SCN7A: variants seen among roughly 807,000 people sequenced by gnomAD.
The protein encoded by SCN7A is sodium voltage-gated channel alpha subunit 7.
A neutral mutation model predicts 155.2 loss-of-function variants in SCN7A; 138 were observed. The observed-to-expected ratio is 0.89, with a 90% CI of 0.77 to 1.02. The LOEUF (loss-of-function observed/expected upper bound fraction) is 1.02, where lower values mean the gene tolerates loss of function less well. SCN7A is among the 50% of genes least tolerant of loss of function. SCN7A has a pLI of 0.00. For synonymous variants in SCN7A, 693 were observed against 649.0 expected (o/e 1.07, Z -1.03); for missense variants, 2,058 against 1,986.6 (o/e 1.04, Z -0.68).
At chr2:166,431,983 T>G (rs993078872) in intron 16 of SCN7A, among the ~76,000 whole-genome samples, 1 of 151,996 alleles carries the variant, frequency 6.6e-6, no homozygotes, top group South Asian at 2.1e-4. Flanking sequence ...ACCCTCAAAC[T>G]GCCTGGTTAT....
Position 166,429,036 on chromosome 2 carries a change from T to C in SCN7A, c.2698+133A>G, listed in dbSNP as rs1701679007. ...AAACAAGTTGTAATGGTGACACTTG[T>C]ACATTTAACATGAATATTAAGAAAT... On this transcript the variant is annotated intron_variant, in intron 17 of 25. Coordinates refer to ENST00000643258, the MANE Select transcript of SCN7A (RefSeq NM_002976.4). The C allele has an allele frequency of 8.8e-6, 5 of 570,424 alleles. No homozygotes were observed. In the Admixed American group the frequency reaches 1.4e-4, roughly 17 times the overall value. The allele number at this position is 570,424 out of a possible 1,614,324, so 35.3% of individuals were successfully genotyped here.
In SCN7A at chr2:166,406,072, A is replaced by G. The variant is rs1451532417; in HGVS notation, c.4557T>C (p.Phe1519=). 6.2e-7 allele frequency: 1 copy of G among 1,612,714 alleles called. No homozygotes were observed. ...TLSEDDFRKF[F]QVWKRFDPDR... ...CAGGATCAAACCTTTTCCATACCTGAAAGAATTTCCTAAAATCATCTTCAC... is the reference window on the plus strand; with the variant it reads ...CAGGATCAAACCTTTTCCATACCTGGAAGAATTTCCTAAAATCATCTTCAC... The change falls in exon 26 of 26, where the codon TTT becomes TTC. Residue 1519 remains phenylalanine (F), a synonymous_variant. Coordinates refer to ENST00000643258, the MANE Select transcript of SCN7A (RefSeq NM_002976.4).
intron 7 of SCN7A, among the ~76,000 whole-genome samples, chr2:166,467,819 C>T (rs1056539736): frequency 2.0e-5 from 3 of 151,640 alleles, no homozygotes; most frequent in Non-Finnish European, 4.4e-5. Flanking sequence ...ATATTAAAGT[C>T]TCTGCCTTGA....
At chr2:166,413,800 T>A (rs1379700217) in intron 21 of SCN7A, among the ~76,000 whole-genome samples, 7 of 149,978 alleles carry the variant, frequency 4.7e-5, no homozygotes, top group African/African-American at 1.7e-4. Context: ...CAGCCTATAT[T>A]TTTCTCCTGT....
chr2:166,479,683 C>CA (rs377033204), intron 2 of SCN7A, among the ~76,000 whole-genome samples: 17 of 151,062 alleles, frequency 1.1e-4, no homozygotes, highest in African/African-American at 3.9e-4. Flanking sequence ...ACATATGTCT[C>CA]AAAAAAAAGG....
chr2:166,428,981 A>G (rs971155393), intron 17 of SCN7A, among the ~76,000 whole-genome samples, 188 bp downstream of exon 17: 6 of 152,104 alleles, frequency 3.9e-5, no homozygotes, highest in Non-Finnish European at 8.8e-5. Flanking sequence ...TAAGTTACTC[A>G]TATAAAAATG....
chr2:166,406,252 C>T lies in SCN7A; in HGVS notation c.4377G>A (p.Gly1459=), dbSNP rs373881839. ...TCCCACAATCTCCTCTAACTTGAGT[C>T]CCAGGGTTAATTTTATCAGGATCAC... ...SDCDPDKINP[G]TQVRGDCGNP... The change falls in exon 26 of 26, where the codon GGG becomes GGA. Residue 1459 remains glycine (G), a synonymous_variant. Transcript: ENST00000643258. 11 of 1,612,978 alleles carry T rather than the reference C, an allele frequency of 6.8e-6. No homozygotes were observed. Among genetic ancestry groups the T allele is most frequent in the Non-Finnish European group, 9.3e-6 (11 of 1,179,534 alleles).
At chr2:166,482,312 G>T (rs1483417010) in intron 2 of SCN7A, among the ~76,000 whole-genome samples, 3 of 152,046 alleles carry the variant, frequency 2.0e-5, no homozygotes, top group Non-Finnish European at 4.4e-5. Context: ...CATGGATGCT[G>T]CCATCAATGA....
chr2:166,480,489 A>C (rs988951806), intron 2 of SCN7A, among the ~76,000 whole-genome samples: 1 of 151,694 alleles, frequency 6.6e-6, no homozygotes, highest in African/African-American at 2.4e-5. Flanking sequence ...AAAAAAACAA[A>C]AAAAAAACAG....
At position 166,406,043 on chromosome 2, in the gene SCN7A, CT is replaced by C; in HGVS notation, c.4585del (p.Arg1529GlyfsTer5). 6.2e-7 allele frequency: 1 copy of C among 1,612,872 alleles called. No homozygotes were observed. Among genetic ancestry groups the C allele is most frequent in the South Asian group, 1.1e-5 (1 of 91,064 alleles). ...CTTGCTAGAGTCTATGTACTGGGTC[CT>C]ATCAGGATCAAACCTTTTCCATACC... is the stretch of plus-strand genomic sequence containing the variant. ...FQVWKRFDPD[R>X]TQYIDSSKLS... is the part of the protein sequence containing the mutation. On this transcript the variant is annotated frameshift_variant, in exon 26 of 26. Transcript: ENST00000643258. LOFTEE classifies it high-confidence loss of function.
At chr2:166,448,404 T>C (rs1393006527) in intron 11 of SCN7A, among the ~76,000 whole-genome samples, 1 of 152,194 alleles carries the variant, frequency 6.6e-6, no homozygotes, top group Non-Finnish European at 1.5e-5. Context: ...TGAATAATAC[T>C]GTAATAAACA....
At chr2:166,484,442 A>G (rs1030573465) in intron 2 of SCN7A, among the ~76,000 whole-genome samples, 4 of 151,802 alleles carry the variant, frequency 2.6e-5, no homozygotes, top group Non-Finnish European at 5.9e-5. Context: ...TTATATAAAT[A>G]TATAAATAGC....
chr2:166,460,636 A>T (rs1274253411), intron 10 of SCN7A, among the ~76,000 whole-genome samples: 1 of 152,138 alleles, frequency 6.6e-6, no homozygotes, highest in African/African-American at 2.4e-5. Flanking sequence ...CACAGCATAA[A>T]TTTGAAGCCT....
chr2:166,482,882 T>A (rs906135641), intron 2 of SCN7A, among the ~76,000 whole-genome samples: 1 of 152,094 alleles, frequency 6.6e-6, no homozygotes, highest in South Asian at 2.1e-4. Context: ...AAATCATTTC[T>A]GTGGGGAATT....
chr2:166,416,605 T>A (rs1048797981), intron 21 of SCN7A, 102 bp downstream of exon 21: 2 of 1,064,626 alleles, frequency 1.9e-6, no homozygotes, highest in African/African-American at 3.2e-5. Context: ...GCTAAAATAT[T>A]TTATAACCAA....
chr2:166,436,519 C>A, intron 15 of SCN7A: 1 of 297,366 alleles, frequency 3.4e-6, no homozygotes, highest in Non-Finnish European at 7.0e-6. Context: ...AGCATCATGA[C>A]AATGGACTAA....
Position 166,421,216 on chromosome 2 carries a change from C to A in SCN7A, c.3109G>T (p.Val1037Phe). Reference protein sequence around the residue: ...ISMKFLRPLRVLSQFERMKVV... With the variant: ...ISMKFLRPLRFLSQFERMKVV... ...TTCATTCTTTCAAATTGAGATAGAA[C>A]TCTGAGGGGCCGAAGGAATTTCATG... Residue 1037 changes from valine to phenylalanine, a missense_variant, in exon 20 of 26, where the codon GTT becomes TTT. Physicochemically the swap from Val to Phe is conservative, Grantham distance 50 (BLOSUM62 -1). Transcript: ENST00000643258. 1 of 1,535,306 alleles carries A rather than the reference C, an allele frequency of 6.5e-7. No homozygotes were observed.
Position 166,443,517 on chromosome 2 carries a change from G to A in SCN7A, c.1786C>T (p.Arg596Ter), listed in dbSNP as rs769655731. 6.9e-6 allele frequency: 11 copies of A among 1,592,890 alleles called. No individual in the cohort carries two copies. Among genetic ancestry groups the A allele is most frequent in the Admixed American group, 3.5e-5 (2 of 56,668 alleles). ...LANVAGMALL[R>*]LFRMLRIFKL... ...ATTCTACTTACCATCCTGAATAATC[G>A]AAGAAGAGCCATTCCTGCAACATTT... The change falls in exon 14 of 26, where the codon CGA (arginine) becomes TGA (stop). Residue 596 changes from arginine to a stop codon, truncating the protein, a stop_gained. Transcript: ENST00000643258. LOFTEE classifies it high-confidence loss of function.
rs1254118546 is a variant in SCN7A, at chr2:166,406,290, T to C, written c.4339A>G (p.Lys1447Glu). The change falls in exon 26 of 26, where the codon AAA (lysine) becomes GAA (glutamate). Residue 1447 changes from lysine to glutamate, a missense_variant. Coordinates refer to ENST00000643258, the MANE Select transcript of SCN7A (RefSeq NM_002976.4). ...TTATCAGGATCACAGTCAGACCATT[T>C]ACTGTTGAAAATTGCATCAAGCATC... ...DGMLDAIFNS[K>E]WSDCDPDKIN... 6.2e-7 allele frequency: 1 copy of C among 1,613,138 alleles called. No individual in the cohort carries two copies. The highest frequency in any genetic ancestry group is 8.5e-7 in the Non-Finnish European group (1 of 1,179,412).
Sources: allele counts gnomAD v4.1 joint callset (sites outside exome capture counted in the v4.1 genomes callset), GRCh38; gene constraint gnomAD v4.1.1; transcripts MANE v1.5; gene names NCBI Gene and HGNC (gene_info 2026-07-23, HGNC 2026-07-21).